Variants in ACSM3 observed in about 807,000 individuals in gnomAD.
ACSM3 encodes the protein acyl-coenzyme A synthetase ACSM3, mitochondrial.
A neutral mutation model predicts 74.1 loss-of-function variants in ACSM3; 61 were observed. The ratio of observed to expected loss-of-function variants is 0.82; its 90% CI spans 0.67 to 1.02. The LOEUF (loss-of-function observed/expected upper bound fraction) is 1.02. ACSM3 is among the 50% of genes least tolerant of loss of function. ACSM3 has a pLI of 0.00. For missense variants in ACSM3, 660 were observed against 697.0 expected (o/e 0.95, Z 0.60); for synonymous variants, 213 against 241.5 (o/e 0.88, Z 1.09).
intron 1 of ACSM3, among the ~76,000 whole-genome samples, chr16:20,714,297 G>C (rs1014540643): frequency 2.0e-5 from 3 of 151,230 alleles, no homozygotes; most frequent in Non-Finnish European, 2.9e-5. Flanking sequence ...TAGAGTGAAG[G>C]CTGTAAGAGC....
At chr16:20,796,161 TG>T in intron 12 of ACSM3, 1 of 728,506 alleles carries the variant, frequency 1.4e-6, no homozygotes, top group Non-Finnish European at 2.1e-6. Flanking sequence ...TGGATGAGGC[TG>T]GGTTGTTACA....
intron 1 of ACSM3, among the ~76,000 whole-genome samples, chr16:20,747,393 T>G (rs1297756322): frequency 6.6e-6 from 1 of 152,228 alleles, no homozygotes; most frequent in Non-Finnish European, 1.5e-5. Context: ...CAAACTGCCT[T>G]TGTTCTGCTT....
chr16:20,741,614 C>T, intron 1 of ACSM3: 1 of 1,573,198 alleles, frequency 6.4e-7, no homozygotes, highest in Non-Finnish European at 8.6e-7. Context: ...TGCCCTGTAG[C>T]CCGGGCTCTA....
upstream of ACSM3, among the ~76,000 whole-genome samples, chr16:20,761,954 C>T (rs927671548): frequency 3.3e-5 from 5 of 152,180 alleles, no homozygotes; most frequent in South Asian, 2.1e-4. Context: ...GGCCACTGCA[C>T]GTGCAGACAG....
In ACSM3 at chr16:20,685,306, C is replaced by T. The variant is rs145701758; in HGVS notation, c.-190+10484C>T. 118 of 1,614,092 alleles carry T rather than the reference C, an allele frequency of 7.3e-5. No homozygotes were observed. The African/African-American group carries it at 1.2e-3, about 16-fold the overall frequency. The stretch of plus-strand genomic sequence containing the variant: ...GGTCTGTGTGAAGACGTTGGCTACA[C>T]GGCGGGTTAGGTCTCCCATCTCTCT... On this transcript the variant is annotated intron_variant, in intron 1 of 3. Transcript: ENST00000561584.
At chr16:20,733,043 G>C (rs947751120) in intron 1 of ACSM3, 2 of 153,348 alleles carry the variant, frequency 1.3e-5, no homozygotes, top group African/African-American at 4.8e-5. Context: ...TTCTCGATTT[G>C]TTCCTGATAA....
chr16:20,780,857 G>A lies in ACSM3; in HGVS notation c.782G>A (p.Arg261Lys). ...SFGLGLSVNG[R>K]FWLDLTPSDV... The stretch of plus-strand genomic sequence containing the variant: ...GGTTTAGGATTATCTGTAAATGGAA[G>A]GTATACTTTCACAAAAGTGCAGCTT... The change falls in exon 5 of 14, where the codon AGG (arginine) becomes AAG (lysine). Residue 261 changes from arginine to lysine, a missense_variant and splice_region_variant. Physicochemically the swap from Arg to Lys is conservative, Grantham distance 26. Transcript: ENST00000289416. 1.2e-6 allele frequency: 2 copies of A among 1,614,152 alleles called. No individual in the cohort carries two copies. The highest frequency in any genetic ancestry group is 1.6e-4 in the Middle Eastern group (1 of 6,062).
intron 1 of ACSM3, chr16:20,728,486 T>A: frequency 8.7e-7 from 1 of 1,146,050 alleles, no homozygotes; most frequent in Non-Finnish European, 1.3e-6. Flanking sequence ...TCTCTGAATA[T>A]GTGATATGAG....
intron 1 of ACSM3, among the ~76,000 whole-genome samples, chr16:20,742,980 G>A (rs201492005): frequency 2.1e-5 from 3 of 140,246 alleles, no homozygotes; most frequent in Non-Finnish European, 3.0e-5. Flanking sequence ...TCGCTCTGTC[G>A]CCCAGGCTGG....
chr16:20,728,515 T>C (rs890309618), intron 1 of ACSM3: 19 of 916,400 alleles, frequency 2.1e-5, no homozygotes, highest in Non-Finnish European at 3.2e-5. Context: ...GTGCTAGTCA[T>C]GTCTTAATAC....
At position 20,749,056 on chromosome 16, in the gene ACSM3, G is replaced by A. The variant is rs186773007; in HGVS notation, c.-189-854G>A. Among the ~76,000 whole-genome samples the A allele has an allele frequency of 4.5e-3, 687 of 151,698 alleles. 5 individuals are homozygous for A. The highest frequency in any genetic ancestry group is 0.015 in the African/African-American group (635 of 41,334). ...GCCTGGGTGACAAGAGCGAAACTCC[G>A]TCTCCACAAAAAAAGAAAAAAGAAA... On this transcript the variant is annotated intron_variant, in intron 1 of 3. Transcript: ENST00000561584.
At chr16:20,741,949 C>T (rs1371792231) in intron 1 of ACSM3, 1 of 1,531,578 alleles carries the variant, frequency 6.5e-7, no homozygotes, top group Non-Finnish European at 8.7e-7. Flanking sequence ...GCCTCCTGCC[C>T]CGCCTCCCGA....
At chr16:20,770,389 T>A in intron 2 of ACSM3, 136 bp downstream of exon 2, 1 of 718,150 alleles carries the variant, frequency 1.4e-6, no homozygotes, top group Non-Finnish European at 2.3e-6. Context: ...ATCTAACAGG[T>A]AAAAGCCAGG....
chr16:20,755,779 TCC>T (rs1168683945), intron 3 of ACSM3, among the ~76,000 whole-genome samples: 3 of 46,322 alleles, frequency 6.5e-5, no homozygotes, highest in Admixed American at 5.1e-4. Context: ...ATGCTATCCC[TCC>T]CCCCCCCCCA....
Position 20,755,790 on chromosome 16 carries a change from C to CA in ACSM3, c.-52+175dup, listed in dbSNP as rs1555484524. 8.2e-5 allele frequency among the ~76,000 whole-genome samples: 9 copies of CA among 110,186 alleles called. 1 individual carries two copies. Among genetic ancestry groups the CA allele is most frequent in the Admixed American group, 5.0e-4 (5 of 10,072 alleles). 72.3% of individuals were successfully genotyped at this position (110,186 alleles called of 152,430 possible). A position where few individuals can be genotyped will look rare whatever the true frequency, so the allele number is the denominator to read the frequency against. On this transcript the variant is annotated intron_variant, in intron 3 of 3. Coordinates refer to the ACSM3 transcript ENST00000561584. ...CCTAATGCTATCCCTCCCCCCCCCC[C>CA]ACCCCACAGCAGTCCCCAGAGTGTG...
intron 1 of ACSM3, chr16:20,728,227 T>A: frequency 2.7e-6 from 1 of 372,890 alleles, no homozygotes; most frequent in East Asian, 5.4e-5. Context: ...AAAGAATGCT[T>A]CACTATGATG....
At chr16:20,736,907 G>A in intron 1 of ACSM3, 3 of 1,614,064 alleles carry the variant, frequency 1.9e-6, no homozygotes, top group Middle Eastern at 3.3e-4. Flanking sequence ...CATTTGACTT[G>A]GATCCTTCTG....
At position 20,785,070 on chromosome 16, in the gene ACSM3, G is replaced by A; in HGVS notation, c.1106G>A (p.Gly369Asp). ...DVTEKWRNKT[G>D]LDIYEGYGQT... ...ACTGAAAAATGGAGAAACAAGACGG[G>A]CCTGGATATCTACGAAGGATATGGA... The change falls in exon 8 of 14, where the codon GGC becomes GAC. Residue 369 changes from glycine (G) to aspartate (D), a missense_variant. Gly to Asp is a moderately conservative substitution (Grantham distance 94). Transcript: ENST00000289416. The A allele has an allele frequency of 6.2e-7, 1 of 1,613,592 alleles. No individual in the cohort carries two copies. The highest frequency in any genetic ancestry group is 8.5e-7 in the Non-Finnish European group (1 of 1,179,722).
At chr16:20,721,090 G>T (rs189152966) in intron 1 of ACSM3, 1 of 152,376 alleles carries the variant, frequency 6.6e-6, no homozygotes, top group Non-Finnish European at 1.5e-5. Context: ...CAATGTGTTT[G>T]CAGCTTTGAT....
Sources: allele counts gnomAD v4.1 joint callset (sites outside exome capture counted in the v4.1 genomes callset), GRCh38; gene constraint gnomAD v4.1.1; transcripts MANE v1.5; gene names NCBI Gene and HGNC (gene_info 2026-07-23, HGNC 2026-07-21).